Variants in BCAS3 observed in about 807,000 individuals in gnomAD.
BCAS3 encodes the protein BCAS4/BCAS3 fusion.
Under a neutral mutation model 116.1 loss-of-function variants are expected in BCAS3, and 53 were observed. The ratio of observed to expected loss-of-function variants is 0.46; its 90% CI spans 0.37 to 0.57. The LOEUF is 0.57. Ranked by LOEUF, BCAS3 falls within the 20% of genes least tolerant of loss-of-function variation. The probability of loss-of-function intolerance (pLI) is 0.00; values close to 1 mark genes in which losing one functional copy is unlikely to be tolerated. For missense variants in BCAS3, 917 were observed against 1,165.4 expected (o/e 0.79, Z 3.10); for synonymous variants, 391 against 408.2 (o/e 0.96, Z 0.51).
At chr17:60,771,685 A>G (rs1473411162) in intron 6 of BCAS3, among the ~76,000 whole-genome samples, 8 of 152,114 alleles carry the variant, frequency 5.3e-5, no homozygotes, top group Non-Finnish European at 8.8e-5. Context: ...ATATCTCCTA[A>G]TGCTATCCCT....
intron 12 of BCAS3, among the ~76,000 whole-genome samples, chr17:60,920,553 C>T (rs2059017386): frequency 6.6e-6 from 1 of 152,070 alleles, no homozygotes; most frequent in Non-Finnish European, 1.5e-5. Context: ...CACCTTAACA[C>T]CAGTCAGAAT....
In BCAS3 at chr17:60,889,679, AT is replaced by A; in HGVS notation, c.662-13del. 1.9e-6 allele frequency: 3 copies of A among 1,605,688 alleles called. No homozygotes were observed. The highest frequency in any genetic ancestry group is 2.6e-6 in the Non-Finnish European group (3 of 1,173,278). On this transcript the variant is annotated splice_polypyrimidine_tract_variant and intron_variant, in intron 9 of 23. Coordinates refer to ENST00000407086, the MANE Select transcript of BCAS3 (RefSeq NM_017679.5). ...TATTAAGAAATTTCTCAATAGTGCC[AT>A]TTGAAATTTTTCAGGCTGCTATCCA... is the stretch of plus-strand genomic sequence containing the variant.
chr17:60,754,981 T>C (rs550581317), intron 6 of BCAS3, among the ~76,000 whole-genome samples: 1 of 152,350 alleles, frequency 6.6e-6, no homozygotes, highest in South Asian at 2.1e-4. Flanking sequence ...CTTGTGATCA[T>C]TTAGGTTTTT....
At chr17:60,719,317 A>G (rs2038988431) in intron 5 of BCAS3, among the ~76,000 whole-genome samples, 1 of 152,226 alleles carries the variant, frequency 6.6e-6, no homozygotes, top group African/African-American at 2.4e-5. Flanking sequence ...CAAAACCTAT[A>G]GTATTCGCCA....
chr17:61,064,614 T>A (rs1236707726), intron 19 of BCAS3, among the ~76,000 whole-genome samples: 1 of 152,166 alleles, frequency 6.6e-6, no homozygotes, highest in Non-Finnish European at 1.5e-5. Context: ...GGAGAAAAGA[T>A]GCACCCAGAG....
chr17:60,904,404 AAAACAAAC>A (rs202152626), intron 11 of BCAS3, among the ~76,000 whole-genome samples: 12 of 151,660 alleles, frequency 7.9e-5, no homozygotes, highest in East Asian at 1.9e-4. Context: ...ACTCTGTCTC[AAAACAAAC>A]AAACAAACAA....
In BCAS3 at chr17:61,199,308, C is replaced by G. The variant is rs569780991; in HGVS notation, c.2425+114744C>G. On this transcript the variant is annotated intron_variant, in intron 22 of 23. Coordinates refer to ENST00000407086, the MANE Select transcript of BCAS3 (RefSeq NM_017679.5). This position sits in a 1 kb window ranked among gnomAD's most constrained non-coding sequence, Gnocchi z 4.6. The stretch of plus-strand genomic sequence containing the variant: ...CTGCCAGCCAGCCTTACTCTTTCCT[C>G]TCTACACTGCCACAGCTACAACTGC... 6.6e-6 allele frequency among the ~76,000 whole-genome samples: 1 copy of G among 152,160 alleles called. No individual in the cohort carries two copies. Among genetic ancestry groups the G allele is most frequent in the South Asian group, 2.1e-4 (1 of 4,828 alleles).
intron 7 of BCAS3, among the ~76,000 whole-genome samples, chr17:60,826,816 C>T (rs1387207463): frequency 6.6e-6 from 1 of 152,080 alleles, no homozygotes. Flanking sequence ...AGATAGTAGT[C>T]TATAATGTAT....
rs559581976 is a variant in BCAS3, at chr17:60,738,282, G to A, written c.322-8916G>A. Among the ~76,000 whole-genome samples the A allele has an allele frequency of 2.0e-5, 3 of 152,338 alleles. No individual in the cohort carries two copies. In the South Asian group the frequency reaches 6.2e-4, roughly 32 times the overall value. ...TTGTGCTTTTCTGGCTGCTGGATCT[G>A]TTCGTTTCAGATAGAGGGGTGTTAG... On this transcript the variant is annotated intron_variant, in intron 5 of 23. Transcript: ENST00000407086.
Position 60,960,819 on chromosome 17 carries a change from C to A in BCAS3, c.1221+13467C>A, listed in dbSNP as rs145895092. 6.6e-6 allele frequency among the ~76,000 whole-genome samples: 1 copy of A among 151,494 alleles called. No individual in the cohort carries two copies. Among genetic ancestry groups the A allele is most frequent in the East Asian group, 1.9e-4 (1 of 5,150 alleles). ...TAATCATGCCTTTGTGCCTTTCAGT[C>A]CAAGATGGCGGTGTTTCTGCAGATA... On this transcript the variant is annotated intron_variant, in intron 14 of 23. Transcript: ENST00000407086. The surrounding 1 kb of genome is among the most constrained non-coding windows in gnomAD (Gnocchi z 4.1).
chr17:61,089,412 C>A (rs958798435), intron 22 of BCAS3, among the ~76,000 whole-genome samples: 3 of 146,650 alleles, frequency 2.0e-5, no homozygotes, highest in African/African-American at 7.5e-5. Flanking sequence ...CTGGAAGGAC[C>A]TTCTTATAGA....
intron 22 of BCAS3, among the ~76,000 whole-genome samples, chr17:61,305,178 T>TAGTC (rs2053755365): frequency 6.7e-6 from 1 of 149,586 alleles, no homozygotes; most frequent in Non-Finnish European, 1.5e-5. Context: ...ATACTGGCCT[T>TAGTC]AGTCAATGAA....
intron 4 of BCAS3, among the ~76,000 whole-genome samples, chr17:60,705,861 A>G (rs1386785846): frequency 6.6e-6 from 1 of 152,172 alleles, no homozygotes; most frequent in African/African-American, 2.4e-5. Flanking sequence ...TTGGTACTGT[A>G]TAGAAACATT....
At chr17:61,373,718 C>T (rs1166987308) in intron 23 of BCAS3, among the ~76,000 whole-genome samples, 3 of 72,622 alleles carry the variant, frequency 4.1e-5, no homozygotes, top group East Asian at 5.4e-4. Context: ...AGGCATGAAC[C>T]ACGATGCCCA....
intron 6 of BCAS3, among the ~76,000 whole-genome samples, chr17:60,798,019 C>T (rs1032017827): frequency 1.2e-4 from 19 of 152,056 alleles, no homozygotes; most frequent in African/African-American, 4.1e-4. Context: ...CCAGCTTGGG[C>T]GATATTGTGA....
In BCAS3 at chr17:61,269,258, G is replaced by A. The variant is rs144861657; in HGVS notation, c.2426-99069G>A. On this transcript the variant is annotated intron_variant, in intron 22 of 23. Coordinates refer to ENST00000407086, the MANE Select transcript of BCAS3 (RefSeq NM_017679.5). ...GCCTCCCAAGTAGCTGGGATTACAG[G>A]CATGCACCACCACACCTGGCTAATT... Among the ~76,000 whole-genome samples the A allele has an allele frequency of 4.3e-3, 651 of 151,968 alleles. 7 individuals carry two copies. The highest frequency in any genetic ancestry group is 0.015 in the African/African-American group (606 of 41,450).
At chr17:60,721,897 G>T (rs1339205610) in intron 5 of BCAS3, among the ~76,000 whole-genome samples, 1 of 152,000 alleles carries the variant, frequency 6.6e-6, no homozygotes, top group Non-Finnish European at 1.5e-5. Flanking sequence ...CTGCTATTCT[G>T]ACTTCTATCA....
intron 7 of BCAS3, among the ~76,000 whole-genome samples, chr17:60,862,834 T>C (rs1192738124): frequency 6.6e-6 from 1 of 150,930 alleles, no homozygotes; most frequent in East Asian, 1.9e-4. Flanking sequence ...GATATATATT[T>C]TTGCATTTAT....
At chr17:61,357,277 T>TAAATAAATAAATAAATAAATAAAA (rs1568930807) in intron 22 of BCAS3, among the ~76,000 whole-genome samples, 1 of 144,820 alleles carries the variant, frequency 6.9e-6, no homozygotes, top group African/African-American at 2.6e-5. Context: ...AATTAATTAA[T>TAAATAAATAAATAAATAAATAAAA]TAAATAAATA....
Sources: allele counts gnomAD v4.1 joint callset (sites outside exome capture counted in the v4.1 genomes callset), GRCh38; gene constraint gnomAD v4.1.1; non-coding constraint Gnocchi (gnomAD v3.1); transcripts MANE v1.5; gene names NCBI Gene and HGNC (gene_info 2026-07-23, HGNC 2026-07-21).